The following TRIOBP variants were observed in gnomAD, a reference collection of about 807,000 sequenced individuals.
TRIOBP encodes TRIO and F-actin binding protein, also known as TRIO and F-actin-binding protein.
TRIOBP carries 169 observed loss-of-function variants against 238.8 expected under a neutral mutation model. The ratio of observed to expected loss-of-function variants is 0.71; its 90% CI spans 0.62 to 0.80. The LOEUF is 0.80. Among genes scored for constraint, TRIOBP ranks in the 30% least tolerant of loss-of-function variants. TRIOBP has a pLI of 0.00. For synonymous variants in TRIOBP, 1,150 were observed against 1,274.4 expected (o/e 0.90, Z 2.08); for missense variants, 2,838 against 3,122.6 (o/e 0.91, Z 2.17).
chr22:37,743,950 A>G (rs1018358104), intron 11 of TRIOBP, among the ~76,000 whole-genome samples: 3 of 149,496 alleles, frequency 2.0e-5, no homozygotes, highest in African/African-American at 7.4e-5. Flanking sequence ...ATCAGGGGGT[A>G]GAAGGACCTG....
chr22:37,705,257 C>T (rs1156463834), intron 3 of TRIOBP, among the ~76,000 whole-genome samples: 2 of 151,884 alleles, frequency 1.3e-5, no homozygotes, highest in South Asian at 2.1e-4. Flanking sequence ...TGCCTGTAAT[C>T]CCAGGTACTT....
At chr22:37,768,981 C>T in intron 19 of TRIOBP, 47 bp from the exon 20 acceptor site, 1 of 1,611,758 alleles carries the variant, frequency 6.2e-7, no homozygotes, top group Non-Finnish European at 8.5e-7. Flanking sequence ...CCAGGCTTGG[C>T]AGGAGCAAGA....
Position 37,726,012 on chromosome 22 carries a change from C to A in TRIOBP, c.3456C>A (p.Asp1152Glu), listed in dbSNP as rs771386143. 1 of 1,609,810 alleles carries A rather than the reference C, an allele frequency of 6.2e-7. No individual in the cohort carries two copies. The highest frequency in any genetic ancestry group is 2.3e-5 in the East Asian group (1 of 44,342). The stretch of plus-strand genomic sequence containing the variant: ...CAGAGAGCCTTGTCCCTTCCATGGA[C>A]TCTCTGCACGAGTGCCCCCACATCC... ...ASTESLVPSM[D>E]SLHECPHIPT... The change falls in exon 7 of 24, where the codon GAC becomes GAA. Residue 1152 changes from aspartate (D) to glutamate (E), a missense_variant. Asp to Glu is a conservative substitution (Grantham distance 45). Coordinates refer to ENST00000644935, the MANE Select transcript of TRIOBP (RefSeq NM_001039141.3).
At chr22:37,756,430 C>A (rs1257949305) in intron 15 of TRIOBP, among the ~76,000 whole-genome samples, 2 of 152,214 alleles carry the variant, frequency 1.3e-5, no homozygotes, top group Non-Finnish European at 1.5e-5. Flanking sequence ...AGAGGCTTTC[C>A]TGTCTAGGTT....
intron 17 of TRIOBP, 108 bp from the exon 18 acceptor site, chr22:37,765,562 A>C: frequency 6.9e-7 from 1 of 1,451,704 alleles, no homozygotes. Flanking sequence ...GCTGGGACCC[A>C]GGAGGAGGTG....
At chr22:37,752,885 G>T (rs1925698901) in intron 12 of TRIOBP, among the ~76,000 whole-genome samples, 1 of 152,226 alleles carries the variant, frequency 6.6e-6, no homozygotes, top group Non-Finnish European at 1.5e-5. Context: ...GCACAGACAG[G>T]AGACGGGCCC....
chr22:37,710,960 A>G (rs980780282), intron 4 of TRIOBP, among the ~76,000 whole-genome samples: 1 of 152,306 alleles, frequency 6.6e-6, no homozygotes, highest in African/African-American at 2.4e-5. Context: ...GCTTTAAAAG[A>G]TTAAACAGTC....
At chr22:37,759,671 G>C in intron 17 of TRIOBP, 1 of 1,523,416 alleles carries the variant, frequency 6.6e-7, no homozygotes, top group Non-Finnish European at 8.8e-7. Context: ...GGCCCACTGG[G>C]CCAAGGCCCC....
chr22:37,699,934 A>G (rs561965284), intron 2 of TRIOBP, among the ~76,000 whole-genome samples: 1 of 151,966 alleles, frequency 6.6e-6, no homozygotes, highest in Non-Finnish European at 1.5e-5. Flanking sequence ...TCTGGAGTGA[A>G]GTGGCGTGCT....
At chr22:37,702,634 C>CTCTTT (rs1226390715) in intron 3 of TRIOBP, among the ~76,000 whole-genome samples, 1 of 81,198 alleles carries the variant, frequency 1.2e-5, no homozygotes, top group African/African-American at 5.0e-5. Context: ...TTCTCTCTCT[C>CTCTTT]TTTTTTTTTT....
chr22:37,712,354 T>TA (rs1923293244), intron 4 of TRIOBP, among the ~76,000 whole-genome samples: 1 of 151,850 alleles, frequency 6.6e-6, no homozygotes, highest in South Asian at 2.1e-4. Flanking sequence ...ATTTTTGAGA[T>TA]AGAGTCTCGT....
At chr22:37,732,997 T>TG (rs1466044112) in intron 7 of TRIOBP, among the ~76,000 whole-genome samples, 8 of 152,318 alleles carry the variant, frequency 5.3e-5, no homozygotes, top group African/African-American at 1.7e-4. Context: ...AAGTACTGGA[T>TG]GAGACAGGAG....
At chr22:37,708,914 C>G (rs1226606888) in intron 3 of TRIOBP, among the ~76,000 whole-genome samples, 2 of 152,166 alleles carry the variant, frequency 1.3e-5, no homozygotes, top group Non-Finnish European at 2.9e-5. Context: ...GGGGTGAAAG[C>G]CAGGATGAGG....
At chr22:37,722,891 T>A (rs1301572573) in intron 6 of TRIOBP, among the ~76,000 whole-genome samples, 3 of 152,236 alleles carry the variant, frequency 2.0e-5, no homozygotes, top group Non-Finnish European at 2.9e-5. Flanking sequence ...TTGCTTCTTC[T>A]CTGTCTTGTC....
At chr22:37,773,045 C>A (rs964157131) in intron 23 of TRIOBP, among the ~76,000 whole-genome samples, 1 of 152,234 alleles carries the variant, frequency 6.6e-6, no homozygotes, top group African/African-American at 2.4e-5. Flanking sequence ...GGGCTGGAGG[C>A]AAATGCAGCG....
In TRIOBP at chr22:37,756,049, G is replaced by A. The variant is rs890883290; in HGVS notation, c.5687+390G>A. On this transcript the variant is annotated intron_variant, in intron 15 of 23. Coordinates refer to ENST00000644935, the MANE Select transcript of TRIOBP (RefSeq NM_001039141.3). Reference sequence around the variant, plus strand: ...GCTCACTCCTTCTGGAGGCTGCCACGGGCACTGGGGCAGGAGGGCTGAGTT... The same window carrying A: ...GCTCACTCCTTCTGGAGGCTGCCACAGGCACTGGGGCAGGAGGGCTGAGTT... 6.6e-5 allele frequency among the ~76,000 whole-genome samples: 10 copies of A among 152,334 alleles called. No individual in the cohort carries two copies. In the East Asian group the frequency reaches 1.5e-3, roughly 23 times the overall value.
At chr22:37,698,299 A>T (rs566859405) in intron 2 of TRIOBP, among the ~76,000 whole-genome samples, 24 of 146,578 alleles carry the variant, frequency 1.6e-4, no homozygotes, top group African/African-American at 5.5e-4. Flanking sequence ...GAGGAGGATT[A>T]CTTGAGGTCA....
At chr22:37,763,642 A>G (rs908929229) in intron 17 of TRIOBP, among the ~76,000 whole-genome samples, 2 of 152,152 alleles carry the variant, frequency 1.3e-5, no homozygotes, top group East Asian at 3.9e-4. Flanking sequence ...TACATTTTCA[A>G]AAATAATTTA....
chr22:37,703,706 A>G (rs985431138), intron 3 of TRIOBP, among the ~76,000 whole-genome samples: 2 of 151,604 alleles, frequency 1.3e-5, no homozygotes, highest in Non-Finnish European at 2.9e-5. Context: ...GGGTTTCACC[A>G]TGTTAGCCAG....
Sources: allele counts gnomAD v4.1 joint callset (sites outside exome capture counted in the v4.1 genomes callset), GRCh38; gene constraint gnomAD v4.1.1; transcripts MANE v1.5; gene names NCBI Gene and HGNC (gene_info 2026-07-23, HGNC 2026-07-21).